The following DPP10 variants were observed in gnomAD, a reference collection of about 807,000 sequenced individuals.
DPP10 encodes inactive dipeptidyl peptidase 10.
A neutral mutation model predicts 120.9 loss-of-function variants in DPP10; 33 were observed. The observed-to-expected ratio is 0.27, with a 90% CI of 0.21 to 0.37. The LOEUF is 0.37. Ranked by LOEUF, DPP10 falls within the 10% of genes least tolerant of loss-of-function variation. The pLI is 1.00. For synonymous variants in DPP10, 337 were observed against 326.1 expected (o/e 1.03, Z -0.36); for missense variants, 816 against 942.8 (o/e 0.87, Z 1.76).
chr2:115,382,353 A>C lies in DPP10; in HGVS notation c.271+38441A>C, dbSNP rs539515178. 9.2e-5 allele frequency among the ~76,000 whole-genome samples: 14 copies of C among 152,288 alleles called. No homozygotes were observed. The South Asian group carries it at 1.7e-3, about 18-fold the overall frequency. On this transcript the variant is annotated intron_variant, in intron 3 of 25. Transcript: ENST00000410059. ...CCGTCTGTCACCCCTTTCTTTGACT[A>C]GGAAAGGGAACTCCCTGACCCCTTG...
chr2:115,242,762 G>GT (rs1310554203), intron 1 of DPP10, among the ~76,000 whole-genome samples: 4 of 151,194 alleles, frequency 2.6e-5, no homozygotes, highest in African/African-American at 9.7e-5. Flanking sequence ...CTGGTCATTA[G>GT]TGAGATTGAG....
At chr2:115,319,448 G>A (rs2061954593) in intron 2 of DPP10, among the ~76,000 whole-genome samples, 2 of 152,100 alleles carry the variant, frequency 1.3e-5, no homozygotes, top group Non-Finnish European at 2.9e-5. Flanking sequence ...GTTTTGGGAG[G>A]AGTTTGAGAA....
At chr2:114,613,668 C>T (rs546047427) in intron 1 of DPP10, among the ~76,000 whole-genome samples, 26 of 152,188 alleles carry the variant, frequency 1.7e-4, no homozygotes, top group Admixed American at 1.0e-3. Context: ...CACATGCACA[C>T]GTATGTTTAT....
intron 3 of DPP10, among the ~76,000 whole-genome samples, chr2:115,444,728 C>T (rs1179962373): frequency 6.6e-6 from 1 of 152,192 alleles, no homozygotes; most frequent in African/African-American, 2.4e-5. Flanking sequence ...GCAGAGATTA[C>T]TGCAAGTATA....
intron 3 of DPP10, among the ~76,000 whole-genome samples, chr2:115,480,195 T>C (rs961469838): frequency 5.3e-5 from 8 of 152,270 alleles, no homozygotes; most frequent in African/African-American, 1.7e-4. Context: ...AATTGTATGA[T>C]GTTAGTCCAC....
intron 1 of DPP10, among the ~76,000 whole-genome samples, chr2:115,074,426 A>C (rs1707620900): frequency 6.6e-6 from 1 of 152,216 alleles, no homozygotes; most frequent in East Asian, 1.9e-4. Flanking sequence ...GCACTGAAAA[A>C]AACATTCATA....
At chr2:115,474,721 T>C (rs1261357410) in intron 3 of DPP10, among the ~76,000 whole-genome samples, 1 of 82,770 alleles carries the variant, frequency 1.2e-5, no homozygotes, top group African/African-American at 4.9e-5. Flanking sequence ...ACCCTGACCA[T>C]GTGATAGAAA....
At chr2:115,427,209 T>A (rs1327594943) in intron 3 of DPP10, among the ~76,000 whole-genome samples, 1 of 152,190 alleles carries the variant, frequency 6.6e-6, no homozygotes, top group Non-Finnish European at 1.5e-5. Flanking sequence ...GCACCACCCG[T>A]CTGGAGTGTG....
intron 1 of DPP10, among the ~76,000 whole-genome samples, chr2:115,033,512 C>G (rs1703994414): frequency 6.6e-6 from 1 of 152,124 alleles, no homozygotes; most frequent in South Asian, 2.1e-4. Context: ...TGCCAAGGTC[C>G]TCACAGCAAT....
chr2:115,205,940 G>A (rs1314410409), intron 1 of DPP10, among the ~76,000 whole-genome samples: 3 of 152,062 alleles, frequency 2.0e-5, no homozygotes, highest in African/African-American at 7.2e-5. Context: ...CTCACTACCT[G>A]GGTGATGGGT....
chr2:114,489,654 T>C (rs1345732526), intron 1 of DPP10, among the ~76,000 whole-genome samples: 1 of 152,186 alleles, frequency 6.6e-6, no homozygotes, highest in African/African-American at 2.4e-5. Context: ...TGTCTTTTTT[T>C]CCCTGGAGCT....
chr2:115,232,361 A>G (rs1430206452), intron 1 of DPP10, among the ~76,000 whole-genome samples: 1 of 152,154 alleles, frequency 6.6e-6, no homozygotes, highest in Non-Finnish European at 1.5e-5. Flanking sequence ...TGAATATGAT[A>G]CATAAAAGCT....
chr2:115,663,725 G>A lies in DPP10; in HGVS notation c.442-25962G>A, dbSNP rs560072518. 2.6e-5 allele frequency among the ~76,000 whole-genome samples: 4 copies of A among 152,210 alleles called. No homozygotes were observed. In the South Asian group the frequency reaches 6.2e-4, roughly 24 times the overall value. ...CATATAATACATACAGGCTGGGCGC[G>A]GTGGCTCACGCCTGTAATCCCAGCA... On this transcript the variant is annotated intron_variant, in intron 5 of 25. Coordinates refer to ENST00000410059, the MANE Select transcript of DPP10 (RefSeq NM_020868.6).
intron 17 of DPP10, among the ~76,000 whole-genome samples, chr2:115,789,993 G>A (rs1683763335): frequency 6.6e-6 from 1 of 151,618 alleles, no homozygotes; most frequent in Admixed American, 6.6e-5. Flanking sequence ...TATACAATAT[G>A]TACACATGGA....
chr2:114,600,922 A>C (rs1289310826), intron 1 of DPP10, among the ~76,000 whole-genome samples: 1 of 151,842 alleles, frequency 6.6e-6, no homozygotes. Context: ...AAGTTAAGAA[A>C]GAGAGGAAGA....
At chr2:115,567,837 A>C (rs2081096467) in intron 5 of DPP10, among the ~76,000 whole-genome samples, 1 of 152,198 alleles carries the variant, frequency 6.6e-6, no homozygotes, top group South Asian at 2.1e-4. Flanking sequence ...TTTCCCTTGA[A>C]CTTTGCCATT....
chr2:114,703,316 C>T (rs1028873998), intron 1 of DPP10, among the ~76,000 whole-genome samples: 4 of 152,128 alleles, frequency 2.6e-5, no homozygotes, highest in Non-Finnish European at 4.4e-5. Flanking sequence ...AACAAATATA[C>T]TTTTTAAAAA....
intron 1 of DPP10, among the ~76,000 whole-genome samples, chr2:114,905,610 T>G (rs1294345196): frequency 1.3e-5 from 2 of 152,214 alleles, no homozygotes; most frequent in Admixed American, 1.3e-4. Flanking sequence ...AGTCAATTTT[T>G]CTGATCCTCT....
At chr2:115,432,293 C>T (rs950337910) in intron 3 of DPP10, among the ~76,000 whole-genome samples, 18 of 151,818 alleles carry the variant, frequency 1.2e-4, no homozygotes, top group African/African-American at 3.4e-4. Context: ...ATGAGCTTGG[C>T]GAAAATCTGA....
Sources: allele counts gnomAD v4.1 joint callset (sites outside exome capture counted in the v4.1 genomes callset), GRCh38; gene constraint gnomAD v4.1.1; transcripts MANE v1.5; gene names NCBI Gene and HGNC (gene_info 2026-07-23, HGNC 2026-07-21).